The following CROCC variants were observed in gnomAD, a reference collection of about 807,000 sequenced individuals.
CROCC encodes ciliary rootlet coiled-coil, rootletin.
A neutral mutation model predicts 245.2 loss-of-function variants in CROCC; 180 were observed. The ratio of observed to expected loss-of-function variants is 0.73; its 90% CI spans 0.65 to 0.83. CROCC has a LOEUF of 0.83. Ranked by LOEUF, CROCC falls within the 40% of genes least tolerant of loss-of-function variation. The pLI is 0.00. For missense variants in CROCC, 2,688 were observed against 2,779.4 expected (o/e 0.97, Z 0.74); for synonymous variants, 1,205 against 1,241.6 (o/e 0.97, Z 0.62).
intron 12 of CROCC, 128 bp from the exon 13 acceptor site, chr1:16,939,766 C>CCCAGGCCAGGT (rs1553154776): frequency 8.5e-7 from 1 of 1,173,492 alleles, no homozygotes; most frequent in Non-Finnish European, 1.2e-6. Flanking sequence ...CCTATCCTGC[C>CCCAGGCCAGGT]CCAGGCCAGG....
rs980819207 is a variant in CROCC at position 16,964,259 on chromosome 1, C to T, written c.4406-1464C>T. Among the ~76,000 whole-genome samples, 69 of 151,334 alleles carry T rather than the reference C, an allele frequency of 4.6e-4. 1 individual carries two copies. Among genetic ancestry groups the T allele is most frequent in the African/African-American group, 1.6e-3 (67 of 41,132 alleles). On this transcript the variant is annotated intron_variant, in intron 27 of 36. Transcript: ENST00000375541. ...TGCTTTTCCTGCCTCAGCCTCCAGACCTCAGCCTCCCAGGTAGCTGGGACT... is the reference window on the plus strand; with the variant it reads ...TGCTTTTCCTGCCTCAGCCTCCAGATCTCAGCCTCCCAGGTAGCTGGGACT...
chr1:16,955,922 G>A (rs931411060), intron 24 of CROCC, 75 bp from the exon 25 acceptor site: 3 of 1,523,366 alleles, frequency 2.0e-6, no homozygotes, highest in South Asian at 1.2e-5. Context: ...CCAGAAATTG[G>A]AGGAGACGGC....
chr1:16,953,255 T>A (rs1557624645), intron 20 of CROCC, 47 bp from the exon 21 acceptor site: 1 of 1,528,006 alleles, frequency 6.5e-7, no homozygotes, highest in East Asian at 2.4e-5. Flanking sequence ...GGGGTCTGCC[T>A]GGGCCCCCTC....
At chr1:16,944,611 C>A (rs1311862721) in intron 14 of CROCC, among the ~76,000 whole-genome samples, 1 of 152,266 alleles carries the variant, frequency 6.6e-6, no homozygotes, top group Admixed American at 6.5e-5. Flanking sequence ...CACTAAGTGC[C>A]AGATACCATT....
intron 8 of CROCC, among the ~76,000 whole-genome samples, chr1:16,934,295 G>A (rs779502603): frequency 8.5e-5 from 13 of 152,146 alleles, no homozygotes; most frequent in Non-Finnish European, 1.9e-4. Flanking sequence ...CCTGTATTAT[G>A]GACTGAAAAT....
intron 7 of CROCC, among the ~76,000 whole-genome samples, 175 bp downstream of exon 7, chr1:16,930,769 C>T (rs1040345069): frequency 3.3e-5 from 5 of 152,296 alleles, no homozygotes; most frequent in Non-Finnish European, 5.9e-5. Flanking sequence ...GCATGTACCA[C>T]GTGCACGGTG....
rs1438695102 is a variant in CROCC at position 16,965,706 on chromosome 1, T to C, written c.4406-17T>C. Reference sequence around the variant, plus strand: ...CGTGGCTTCTGCATCACTGAGCAAGTCTTCTTTCTCTTCTAGGAAGCGGGG... The same window carrying C: ...CGTGGCTTCTGCATCACTGAGCAAGCCTTCTTTCTCTTCTAGGAAGCGGGG... On this transcript the variant is annotated splice_polypyrimidine_tract_variant and intron_variant, in intron 27 of 36. Transcript: ENST00000375541. 3 of 1,575,810 alleles carry C rather than the reference T, an allele frequency of 1.9e-6. No individual in the cohort carries two copies. The African/African-American group carries it at 4.1e-5, about 21-fold the overall frequency.
Position 16,969,242 on chromosome 1 carries a change from C to T in CROCC, c.5203C>T (p.Leu1735=), listed in dbSNP as rs2076471336. 6.2e-7 allele frequency: 1 copy of T among 1,613,500 alleles called. No homozygotes were observed. The highest frequency in any genetic ancestry group is 8.5e-7 in the Non-Finnish European group (1 of 1,179,880). Residue 1735 remains leucine (L), a synonymous_variant, in exon 32 of 37, where the codon CTG becomes TTG. Coordinates refer to ENST00000375541, the MANE Select transcript of CROCC (RefSeq NM_014675.5). ...RDKVRGLTEA[L]AQSSASLNST... Reference sequence around the variant, plus strand: ...CAAGGTGCGGGGCCTGACAGAGGCCCTGGCCCAGAGCAGTGCCAGCCTCAA... The same window carrying T: ...CAAGGTGCGGGGCCTGACAGAGGCCTTGGCCCAGAGCAGTGCCAGCCTCAA...
Position 16,932,259 on chromosome 1 carries a change from G to C in CROCC, c.956+862G>C, listed in dbSNP as rs573167835. Among the ~76,000 whole-genome samples, 6 of 152,344 alleles carry C rather than the reference G, an allele frequency of 3.9e-5. No individual in the cohort carries two copies. The South Asian group carries it at 1.2e-3, about 32-fold the overall frequency. On this transcript the variant is annotated intron_variant, in intron 8 of 36. Coordinates refer to ENST00000375541, the MANE Select transcript of CROCC (RefSeq NM_014675.5). The stretch of plus-strand genomic sequence containing the variant: ...AGGAGTTCAAGACCAGCCTCAACAT[G>C]GAGAAACCCTGTCTCTACTAAAAAT...
At chr1:16,927,266 C>A (rs532820936) in intron 3 of CROCC, among the ~76,000 whole-genome samples, 2 of 152,384 alleles carry the variant, frequency 1.3e-5, no homozygotes, top group African/African-American at 4.8e-5. Flanking sequence ...GTCCCCCCAC[C>A]ACCGGGGACC....
In CROCC at chr1:16,972,665, G is replaced by T; in HGVS notation, c.*219G>T. ...GTCCAGCCCCCCTCTTCTAGGATGA[G>T]CCACTGTAGATCATTAAAGTTCCTC... On this transcript the variant is annotated 3_prime_UTR_variant, in exon 37 of 37. Coordinates refer to ENST00000375541, the MANE Select transcript of CROCC (RefSeq NM_014675.5). The T allele has an allele frequency of 2.1e-6, 1 of 465,910 alleles. No homozygotes were observed. The highest frequency in any genetic ancestry group is 3.8e-6 in the Non-Finnish European group (1 of 263,776). 28.9% of individuals were successfully genotyped at this position (465,910 alleles called of 1,614,324 possible).
intron 1 of CROCC, among the ~76,000 whole-genome samples, chr1:16,914,227 A>T (rs1338967731): frequency 6.6e-6 from 1 of 152,028 alleles, no homozygotes; most frequent in Non-Finnish European, 1.5e-5. Flanking sequence ...GGCTGGAGCC[A>T]CGTACCGGGG....
Position 16,961,048 on chromosome 1 carries a change from C to A in CROCC, c.4323C>A (p.Arg1441=). The change falls in exon 27 of 37, where the codon CGC becomes CGA. Residue 1441 remains arginine (R), a synonymous_variant. Coordinates refer to ENST00000375541, the MANE Select transcript of CROCC (RefSeq NM_014675.5). ...TGGGTGGCCTGCGCTCGGCTCTGCGCCGGGGCCTCGGCCTCGGTCGCGCGC... is the reference window on the plus strand; with the variant it reads ...TGGGTGGCCTGCGCTCGGCTCTGCGACGGGGCCTCGGCCTCGGTCGCGCGC... ...AQLGGLRSAL[R]RGLGLGRAPS... 1 of 1,334,148 alleles carries A rather than the reference C, an allele frequency of 7.5e-7. No individual in the cohort carries two copies. The highest frequency in any genetic ancestry group is 1.9e-5 in the South Asian group (1 of 52,080). 82.6% of individuals were successfully genotyped at this position (1,334,148 alleles called of 1,614,324 possible). A position where few individuals can be genotyped will look rare whatever the true frequency, so the allele number is the denominator to read the frequency against.
rs1370313684 is a variant in CROCC at position 16,954,633 on chromosome 1, C to T, written c.3322-101C>T. The stretch of plus-strand genomic sequence containing the variant: ...GGTCCGGCAGGCCAGCGGGAGGGGC[C>T]GTGTTTAGAGCTAAAAGTGGACAGT... On this transcript the variant is annotated intron_variant, in intron 22 of 36. Transcript: ENST00000375541. This position sits in a 1 kb window ranked among gnomAD's most constrained non-coding sequence, Gnocchi z 4.4. 51 of 1,419,666 alleles carry T rather than the reference C, an allele frequency of 3.6e-5. No individual in the cohort carries two copies. Among genetic ancestry groups the T allele is most frequent in the South Asian group, 7.3e-5 (5 of 68,382 alleles). 87.9% of individuals were successfully genotyped at this position (1,419,666 alleles called of 1,614,324 possible).
intron 17 of CROCC, among the ~76,000 whole-genome samples, chr1:16,947,339 C>T (rs1167677412): frequency 2.6e-5 from 4 of 152,138 alleles, no homozygotes; most frequent in Admixed American, 6.6e-5. Context: ...CGTGGTGGCA[C>T]GCGCCTGTAG....
chr1:16,972,240 CAGTG>C, intron 36 of CROCC, 116 bp from the exon 37 acceptor site: 2 of 806,020 alleles, frequency 2.5e-6, no homozygotes, highest in Non-Finnish European at 4.4e-6. Flanking sequence ...CCCTGGCTCT[CAGTG>C]AGACCAGACC....
chr1:16,960,956 C>CG lies in CROCC; in HGVS notation c.4234dup (p.Ala1412GlyfsTer134). The CG allele has an allele frequency of 7.1e-7, 1 of 1,401,608 alleles. No homozygotes were observed. Among genetic ancestry groups the CG allele is most frequent in the Non-Finnish European group, 9.2e-7 (1 of 1,086,948 alleles). The allele number at this position is 1,401,608 out of a possible 1,614,324, so 86.8% of individuals were successfully genotyped here. The stretch of plus-strand genomic sequence containing the variant: ...CCTGCGGCTGAGCGCAGCCGAGGGC[C>CG]GGGCACAAGGCCTGGAGGCCGAGCT... On this transcript the variant is annotated frameshift_variant, in exon 27 of 37. Transcript: ENST00000375541. LOFTEE classifies it high-confidence loss of function.
At position 16,952,527 on chromosome 1, in the gene CROCC, G is replaced by A. The variant is rs1475136147; in HGVS notation, c.3007-775G>A. The stretch of plus-strand genomic sequence containing the variant: ...GTGGCAGCTCTGTCTGCTTCTCACA[G>A]AGTTGCTAGGGGCAAGTGCTGAGGC... On this transcript the variant is annotated intron_variant, in intron 20 of 36. Transcript: ENST00000375541. Among the ~76,000 whole-genome samples the A allele has an allele frequency of 1.2e-4, 18 of 151,340 alleles. 1 individual carries two copies. The highest frequency in any genetic ancestry group is 9.2e-4 in the Admixed American group (14 of 15,248).
chr1:16,924,787 G>A (rs147986965), intron 3 of CROCC, among the ~76,000 whole-genome samples: 467 of 152,006 alleles, frequency 3.1e-3, no homozygotes, highest in African/African-American at 9.9e-3. Flanking sequence ...TGTGGGACAC[G>A]GAGAATGAGA....
Sources: allele counts gnomAD v4.1 joint callset (sites outside exome capture counted in the v4.1 genomes callset), GRCh38; gene constraint gnomAD v4.1.1; non-coding constraint Gnocchi (gnomAD v3.1); transcripts MANE v1.5; gene names NCBI Gene and HGNC (gene_info 2026-07-23, HGNC 2026-07-21).